Variants in PACRG observed in about 807,000 individuals in gnomAD.
PACRG encodes the protein parkin coregulated, also known as parkin coregulated gene protein.
PACRG carries 29 observed loss-of-function variants against 29.7 expected under a neutral mutation model. That is an observed-to-expected ratio of 0.98 (90% CI 0.73 to 1.33). PACRG has a LOEUF of 1.33. Ranked by LOEUF, PACRG falls within the 40% of genes most tolerant of loss-of-function variation. The pLI, the probability that PACRG is intolerant of heterozygous loss-of-function variation, is 0.00. For synonymous variants in PACRG, 116 were observed against 118.7 expected (o/e 0.98, Z 0.15); for missense variants, 279 against 316.2 (o/e 0.88, Z 0.89).
At chr6:162,875,164 CACACAGACATTCAT>C (rs1793204368) in intron 2 of PACRG, among the ~76,000 whole-genome samples, 1 of 151,792 alleles carries the variant, frequency 6.6e-6, no homozygotes, top group Admixed American at 6.6e-5. Flanking sequence ...CACAGATGCA[CACACAGACATTCAT>C]ACACATTCAC....
At chr6:163,304,203 T>C (rs1331120461) in intron 4 of PACRG, among the ~76,000 whole-genome samples, 4 of 152,104 alleles carry the variant, frequency 2.6e-5, no homozygotes, top group Non-Finnish European at 4.4e-5. Flanking sequence ...TGAAGCTCAT[T>C]TGATCGAACA....
intron 1 of PACRG, among the ~76,000 whole-genome samples, chr6:162,757,382 G>A (rs1782010439): frequency 6.6e-6 from 1 of 152,170 alleles, no homozygotes; most frequent in African/African-American, 2.4e-5. Flanking sequence ...CACACACTGT[G>A]GCTCACGCCT....
chr6:162,969,102 T>C (rs1801311163), intron 2 of PACRG, among the ~76,000 whole-genome samples: 1 of 151,392 alleles, frequency 6.6e-6, no homozygotes, highest in African/African-American at 2.4e-5. Context: ...TCTTACTTTT[T>C]CCCTAATTTT....
chr6:162,921,294 G>A (rs570632608), intron 2 of PACRG, among the ~76,000 whole-genome samples: 2 of 152,066 alleles, frequency 1.3e-5, no homozygotes, highest in African/African-American at 2.4e-5. Context: ...AGTGAGGGCC[G>A]CCAGGTGGTG....
At chr6:162,869,195 G>A (rs1396376630) in intron 2 of PACRG, among the ~76,000 whole-genome samples, 1 of 152,118 alleles carries the variant, frequency 6.6e-6, no homozygotes, top group African/African-American at 2.4e-5. Flanking sequence ...AAGGGGCTGG[G>A]CTAGGGCGGC....
intron 1 of PACRG, among the ~76,000 whole-genome samples, chr6:162,792,265 G>T (rs540957137): frequency 6.6e-6 from 1 of 152,098 alleles, no homozygotes; most frequent in African/African-American, 2.4e-5. Flanking sequence ...AGATTGTACC[G>T]ACTGACCATG....
chr6:163,192,704 A>G (rs1780269628), intron 4 of PACRG, among the ~76,000 whole-genome samples: 2 of 152,116 alleles, frequency 1.3e-5, no homozygotes, highest in Admixed American at 1.3e-4. Context: ...TGGATGGCTT[A>G]TGTGGATCTC....
intron 4 of PACRG, among the ~76,000 whole-genome samples, chr6:163,106,702 C>T (rs1815401157): frequency 6.6e-6 from 1 of 152,112 alleles, no homozygotes; most frequent in Non-Finnish European, 1.5e-5. Flanking sequence ...TGCAAAGTAC[C>T]ACTTGTACAT....
intron 4 of PACRG, among the ~76,000 whole-genome samples, chr6:163,204,447 A>G (rs1780820534): frequency 6.6e-6 from 1 of 152,204 alleles, no homozygotes; most frequent in Non-Finnish European, 1.5e-5. Context: ...GCATATGGGA[A>G]ACACTGACAG....
chr6:163,113,255 G>T (rs765482869), intron 4 of PACRG, among the ~76,000 whole-genome samples: 43 of 152,294 alleles, frequency 2.8e-4, no homozygotes, highest in Non-Finnish European at 5.4e-4. Flanking sequence ...TGAGGGACCT[G>T]TGGAACATCA....
intron 2 of PACRG, among the ~76,000 whole-genome samples, chr6:162,924,313 T>C (rs1797271322): frequency 6.6e-6 from 1 of 152,012 alleles, no homozygotes; most frequent in Non-Finnish European, 1.5e-5. Context: ...TTTCTATATA[T>C]AAGATCATGC....
intron 4 of PACRG, chr6:163,090,165 C>T (rs936417194): frequency 4.6e-5 from 7 of 152,050 alleles, no homozygotes; most frequent in African/African-American, 1.7e-4. Context: ...ATGATCTGCT[C>T]ATCATACATT....
intron 4 of PACRG, among the ~76,000 whole-genome samples, chr6:163,201,964 T>A (rs1780719040): frequency 6.6e-6 from 1 of 152,222 alleles, no homozygotes; most frequent in Middle Eastern, 3.4e-3. Flanking sequence ...CGGGCCTCCC[T>A]GGGGGGCTTC....
intron 4 of PACRG, among the ~76,000 whole-genome samples, chr6:163,109,774 A>G (rs977127074): frequency 2.0e-5 from 3 of 152,224 alleles, no homozygotes; most frequent in Non-Finnish European, 4.4e-5. Flanking sequence ...CACTTTTTAA[A>G]GAATTCTTCA....
At chr6:163,271,583 G>A (rs893588601) in intron 4 of PACRG, among the ~76,000 whole-genome samples, 3 of 152,114 alleles carry the variant, frequency 2.0e-5, no homozygotes, top group African/African-American at 7.2e-5. Flanking sequence ...AACATCAGGT[G>A]CCCCAACATC....
In PACRG at chr6:163,021,854, T is replaced by A. The variant is rs116316697; in HGVS notation, c.292-40296T>A. 4.5e-3 allele frequency among the ~76,000 whole-genome samples: 687 copies of A among 152,380 alleles called. 4 individuals are homozygous for A. The highest frequency in any genetic ancestry group is 0.016 in the African/African-American group (648 of 41,596). On this transcript the variant is annotated intron_variant, in intron 2 of 4. Coordinates refer to ENST00000366888, the MANE Select transcript of PACRG (RefSeq NM_001080379.2). ...GCACTGTCGTTTCCTCAGGGGAGCC[T>A]GCTCCCTGTTATTCCGAGTTAAGCA...
At chr6:162,860,042 T>C (rs1437207217) in intron 2 of PACRG, among the ~76,000 whole-genome samples, 1 of 142,000 alleles carries the variant, frequency 7.0e-6, no homozygotes, top group African/African-American at 2.7e-5. Flanking sequence ...TGTTATACTT[T>C]CTAAAAAATG....
chr6:163,148,789 GA>G (rs977777580), intron 4 of PACRG, among the ~76,000 whole-genome samples: 2 of 152,022 alleles, frequency 1.3e-5, no homozygotes, highest in African/African-American at 4.8e-5. Flanking sequence ...CCCAACACTG[GA>G]AATACCTTCC....
At chr6:163,100,265 C>T (rs545487539) in intron 4 of PACRG, among the ~76,000 whole-genome samples, 21 of 152,248 alleles carry the variant, frequency 1.4e-4, no homozygotes, top group Admixed American at 2.0e-4. Context: ...ATTCCCATCA[C>T]GCAGGGTCAA....
Sources: gnomAD v4.1 joint callset for allele counts (sites outside exome capture counted in the v4.1 genomes callset) on GRCh38, gnomAD v4.1.1 for gene constraint, MANE v1.5 for transcripts, NCBI Gene and HGNC (gene_info 2026-07-23, HGNC 2026-07-21) for gene names.